The following DHX9 variants were observed in gnomAD, a reference collection of about 807,000 sequenced individuals.
DHX9 encodes the protein ATP-dependent RNA helicase A.
DHX9 carries 27 observed loss-of-function variants against 148.7 expected under a neutral mutation model. The observed-to-expected ratio is 0.18, with a 90% CI of 0.13 to 0.25. The LOEUF is 0.25. Ranked by LOEUF, DHX9 falls within the 10% of genes least tolerant of loss-of-function variation. The pLI is 1.00. For missense variants in DHX9, 796 were observed against 1,559.6 expected (o/e 0.51, Z 8.25); for synonymous variants, 529 against 516.6 (o/e 1.02, Z -0.33).
chr1:182,858,266 G>T, intron 8 of DHX9, 26 bp downstream of exon 8: 4 of 1,598,016 alleles, frequency 2.5e-6, no homozygotes, highest in Non-Finnish European at 3.4e-6. Context: ...TAATAGACTT[G>T]TGAGATAGTG....
At chr1:182,872,706 A>G (rs1648599163) in intron 15 of DHX9, among the ~76,000 whole-genome samples, 1 of 152,176 alleles carries the variant, frequency 6.6e-6, no homozygotes, top group East Asian at 1.9e-4. Context: ...TTCATTTACT[A>G]CTTGAGTAGT....
chr1:182,855,745 A>C, intron 6 of DHX9: 1 of 985,386 alleles, frequency 1.0e-6, no homozygotes, highest in Non-Finnish European at 1.2e-6. Flanking sequence ...GAAGGAGTCT[A>C]ACATTTATTT....
Position 182,881,431 on chromosome 1 carries a change from A to C in DHX9, c.2786+6A>C. On this transcript the variant is annotated splice_donor_region_variant and intron_variant, in intron 23 of 27. Transcript: ENST00000367549. ...CAAGCCTGGGATGATGCTAGGTATG[A>C]GTAAGATTTGGGTGAGCTGTCTGTA... The C allele has an allele frequency of 1.9e-6, 3 of 1,613,240 alleles. No individual in the cohort carries two copies. Among genetic ancestry groups the C allele is most frequent in the Non-Finnish European group, 2.5e-6 (3 of 1,179,624 alleles).
In DHX9 at chr1:182,887,551, T is replaced by G; in HGVS notation, c.*117T>G. The G allele has an allele frequency of 1.1e-6, 1 of 895,860 alleles. No individual in the cohort carries two copies. Among genetic ancestry groups the G allele is most frequent in the Non-Finnish European group, 1.7e-6 (1 of 591,678 alleles). The allele number at this position is 895,860 out of a possible 1,614,324, so 55.5% of individuals were successfully genotyped here. A position where few individuals can be genotyped will look rare whatever the true frequency, so the allele number is the denominator to read the frequency against. ...CAAAAAGTAAATGCATTTTCACCCA[T>G]TCTGTGGTTCATTGTAGTTTAAGGA... On this transcript the variant is annotated 3_prime_UTR_variant, in exon 28 of 28. Transcript: ENST00000367549.
chr1:182,870,333 A>G (rs1648504763), intron 14 of DHX9, among the ~76,000 whole-genome samples: 1 of 152,242 alleles, frequency 6.6e-6, no homozygotes, highest in African/African-American at 2.4e-5. Flanking sequence ...TTAAAAAGAT[A>G]GATTTATGGC....
chr1:182,884,769 T>C lies in DHX9; in HGVS notation c.3417T>C (p.Ser1139=). 6.2e-7 allele frequency: 1 copy of C among 1,614,184 alleles called. No homozygotes were observed. Among genetic ancestry groups the C allele is most frequent in the Non-Finnish European group, 8.5e-7 (1 of 1,180,038 alleles). The part of the protein sequence containing the change: ...ERMLNMIRQI[S]RPSAAGINLM... ...TGCTGAACATGATCCGTCAGATCTCTAGACCCTCAGCTGCTGGTATCAACC... is the reference window on the plus strand; with the variant it reads ...TGCTGAACATGATCCGTCAGATCTCCAGACCCTCAGCTGCTGGTATCAACC... Residue 1139 remains serine, a synonymous_variant, in exon 27 of 28, where the codon TCT becomes TCC. Transcript: ENST00000367549.
intron 3 of DHX9, among the ~76,000 whole-genome samples, chr1:182,843,887 T>C (rs948795522): frequency 2.6e-5 from 4 of 152,218 alleles, no homozygotes; most frequent in Admixed American, 2.6e-4. Flanking sequence ...AGCCTCAAAC[T>C]CTTGGGCTCA....
At chr1:182,883,455 GTA>G (rs1649177281) in intron 25 of DHX9, 63 bp from the exon 26 acceptor site, 8 of 1,569,138 alleles carry the variant, frequency 5.1e-6, no homozygotes, top group Non-Finnish European at 7.0e-6. Flanking sequence ...TCAAAGCACA[GTA>G]TATAGCGGTA....
At chr1:182,847,397 G>A (rs1332787258) in intron 3 of DHX9, among the ~76,000 whole-genome samples, 4 of 152,036 alleles carry the variant, frequency 2.6e-5, no homozygotes, top group Non-Finnish European at 5.9e-5. Flanking sequence ...TTTTTAATCA[G>A]GCATTTAATT....
rs1050989416 is a variant in DHX9, at chr1:182,860,329, CGTA to C, written c.1332+148_1332+150del. 1.6e-5 allele frequency: 11 copies of C among 688,984 alleles called. No homozygotes were observed. In the African/African-American group the frequency reaches 1.9e-4, roughly 12 times the overall value. 42.7% of individuals were successfully genotyped at this position (688,984 alleles called of 1,614,324 possible). A position where few individuals can be genotyped will look rare whatever the true frequency, so the allele number is the denominator to read the frequency against. Reference sequence around the variant, plus strand: ...TTAAAAAAAGAAAACATAAAAACAACGTAGTCTTTTTCTAATCTCTAGTATGCT... The same window carrying C: ...TTAAAAAAAGAAAACATAAAAACAACGTCTTTTTCTAATCTCTAGTATGCT... On this transcript the variant is annotated intron_variant, in intron 12 of 27. Coordinates refer to ENST00000367549, the MANE Select transcript of DHX9 (RefSeq NM_001357.5).
chr1:182,847,327 G>C (rs999157008), intron 3 of DHX9, among the ~76,000 whole-genome samples: 1 of 152,160 alleles, frequency 6.6e-6, no homozygotes, highest in Non-Finnish European at 1.5e-5. Flanking sequence ...TGGAGACTCT[G>C]AATAATGTTA....
intron 7 of DHX9, among the ~76,000 whole-genome samples, chr1:182,857,713 A>G (rs892649124): frequency 6.6e-6 from 1 of 152,206 alleles, no homozygotes. Flanking sequence ...AAAGTTTCCC[A>G]AATCCTGGTC....
intron 12 of DHX9, among the ~76,000 whole-genome samples, chr1:182,861,238 T>G (rs1176723878): frequency 6.6e-6 from 1 of 152,212 alleles, no homozygotes; most frequent in Admixed American, 6.5e-5. Context: ...ATCCTAAGGC[T>G]GATGATACCT....
intron 15 of DHX9, among the ~76,000 whole-genome samples, chr1:182,873,826 A>G (rs1648652026): frequency 1.3e-5 from 2 of 152,172 alleles, no homozygotes; most frequent in South Asian, 4.1e-4. Flanking sequence ...TCCTGGAGAA[A>G]TGGCTGCTTC....
chr1:182,870,600 A>G (rs1648517622), intron 14 of DHX9, among the ~76,000 whole-genome samples: 2 of 152,260 alleles, frequency 1.3e-5, no homozygotes, highest in Non-Finnish European at 2.9e-5. Flanking sequence ...ATTTCAAAGT[A>G]GTTGAAATCG....
At position 182,869,000 on chromosome 1, in the gene DHX9, G is replaced by A. The variant is rs560078783; in HGVS notation, c.1557+1957G>A. Among the ~76,000 whole-genome samples the A allele has an allele frequency of 9.2e-5, 14 of 152,216 alleles. No individual in the cohort carries two copies. In the South Asian group the frequency reaches 2.9e-3, roughly 32 times the overall value. On this transcript the variant is annotated intron_variant, in intron 14 of 27. Transcript: ENST00000367549. ...AATTAACTTAATTGACAAATGTTTT[G>A]ATATTATCTTTGCTTGTTAATGTAG...
At chr1:182,871,985 T>A (rs1367236353) in intron 14 of DHX9, among the ~76,000 whole-genome samples, 1 of 152,070 alleles carries the variant, frequency 6.6e-6, no homozygotes, top group Non-Finnish European at 1.5e-5. Flanking sequence ...TTTGTATTTT[T>A]AGTCGAGACA....
intron 3 of DHX9, 94 bp downstream of exon 3, chr1:182,843,528 T>C: frequency 8.2e-7 from 1 of 1,225,716 alleles, no homozygotes; most frequent in Non-Finnish European, 1.1e-6. Context: ...TTTTCACTGT[T>C]TTCAGATATA....
intron 3 of DHX9, among the ~76,000 whole-genome samples, chr1:182,843,922 T>A (rs899140613): frequency 6.6e-6 from 1 of 152,070 alleles, no homozygotes; most frequent in Admixed American, 6.6e-5. Flanking sequence ...CTTAACCCCC[T>A]TAGTAGCTGG....
Sources: allele counts gnomAD v4.1 joint callset (sites outside exome capture counted in the v4.1 genomes callset), GRCh38; gene constraint gnomAD v4.1.1; transcripts MANE v1.5; gene names NCBI Gene and HGNC (gene_info 2026-07-23, HGNC 2026-07-21).